Variants in COMMD1 observed in about 807,000 individuals in gnomAD.
COMMD1 encodes copper metabolism domain containing 1, also known as COMM domain-containing protein 1.
In COMMD1, 10 loss-of-function variants were observed where a neutral mutation model predicts 17.2. The observed-to-expected ratio is 0.58, with a 90% CI of 0.36 to 0.99. The LOEUF is 0.99. Ranked by LOEUF, COMMD1 falls within the 50% of genes least tolerant of loss-of-function variation. The pLI is 0.01. For missense variants in COMMD1, 270 were observed against 231.8 expected (o/e 1.17, Z -1.07); for synonymous variants, 97 against 91.6 (o/e 1.06, Z -0.34).
intron 2 of COMMD1, among the ~76,000 whole-genome samples, chr2:62,068,560 G>A (rs143335058): frequency 8.3e-4 from 125 of 150,336 alleles, no homozygotes; most frequent in African/African-American, 2.9e-3. Context: ...CTAAGGATAA[G>A]ATTGGAGAAT....
chr2:62,068,920 C>T (rs983081934), intron 2 of COMMD1, among the ~76,000 whole-genome samples: 1 of 152,016 alleles, frequency 6.6e-6, no homozygotes, highest in Non-Finnish European at 1.5e-5. Context: ...GGATTACAGG[C>T]GTGAGCCACC....
At chr2:62,106,850 G>A (rs1389659007) in intron 2 of COMMD1, among the ~76,000 whole-genome samples, 1 of 152,200 alleles carries the variant, frequency 6.6e-6, no homozygotes, top group Admixed American at 6.5e-5. Flanking sequence ...GTGAGAGACT[G>A]TAAATCAAGA....
intron 1 of COMMD1, among the ~76,000 whole-genome samples, chr2:61,982,411 A>G (rs1196427484): frequency 6.6e-6 from 1 of 152,188 alleles, no homozygotes; most frequent in Non-Finnish European, 1.5e-5. Context: ...TTCCAAATAC[A>G]AGATTATATC....
At chr2:61,980,654 T>C (rs6717612) in intron 1 of COMMD1, among the ~76,000 whole-genome samples, 2,411 of 144,948 alleles carry the variant, frequency 0.017, 42 homozygotes, top group African/African-American at 0.038. Flanking sequence ...TATTAGCCCT[T>C]TGTCAGATGA....
chr2:62,000,307 C>A (rs1328988083), intron 1 of COMMD1, among the ~76,000 whole-genome samples: 1 of 141,872 alleles, frequency 7.0e-6, no homozygotes, highest in Non-Finnish European at 1.5e-5. Flanking sequence ...GGGTCTCTCT[C>A]TGTCACCCAG....
At chr2:61,912,326 GA>G (rs1179017506) in intron 1 of COMMD1, among the ~76,000 whole-genome samples, 2 of 152,154 alleles carry the variant, frequency 1.3e-5, no homozygotes, top group Non-Finnish European at 2.9e-5. Context: ...GGCATAGAGA[GA>G]AAACATATAC....
chr2:62,090,469 TATAAC>T (rs1257734946), intron 2 of COMMD1, among the ~76,000 whole-genome samples: 37 of 152,358 alleles, frequency 2.4e-4, no homozygotes, highest in Admixed American at 2.0e-3. Flanking sequence ...TCTCCATAGA[TATAAC>T]ATCCTGAGGA....
chr2:61,904,759 A>T (rs72891742), upstream of COMMD1, among the ~76,000 whole-genome samples: 308 of 152,344 alleles, frequency 2.0e-3, 1 homozygote, highest in African/African-American at 7.1e-3. Context: ...GTTTTAGTAT[A>T]TTAACAAGGT....
chr2:62,134,364 T>C, intron 2 of COMMD1, among the ~76,000 whole-genome samples: 1 of 152,202 alleles, frequency 6.6e-6, no homozygotes, highest in East Asian at 1.9e-4. Context: ...AATTTAATTA[T>C]CTAGAAAACA....
intron 2 of COMMD1, among the ~76,000 whole-genome samples, chr2:62,044,641 A>G (rs1670329945): frequency 6.6e-6 from 1 of 152,152 alleles, no homozygotes; most frequent in Non-Finnish European, 1.5e-5. Flanking sequence ...GATTGGGATT[A>G]GTGTTTCTTT....
intron 1 of COMMD1, among the ~76,000 whole-genome samples, chr2:61,995,175 C>G (rs62149913): frequency 6.6e-6 from 1 of 152,064 alleles, no homozygotes; most frequent in East Asian, 1.9e-4. Flanking sequence ...TTGTCAACCT[C>G]CAGGGCTTGA....
In COMMD1 at chr2:62,100,819, G is replaced by T. The variant is rs528195685; in HGVS notation, c.463-35012G>T. On this transcript the variant is annotated intron_variant, in intron 2 of 2. Transcript: ENST00000311832. Reference sequence around the variant, plus strand: ...AATCTCTTCAGGATTGGGAGGACCTGGAAGAAAAAGATCTAGCTATGTTAA... The same window carrying T: ...AATCTCTTCAGGATTGGGAGGACCTTGAAGAAAAAGATCTAGCTATGTTAA... Among the ~76,000 whole-genome samples the T allele has an allele frequency of 3.3e-5, 5 of 152,224 alleles. No individual in the cohort carries two copies. The South Asian group carries it at 1.0e-3, about 32-fold the overall frequency.
intron 1 of COMMD1, among the ~76,000 whole-genome samples, chr2:61,917,395 A>G (rs1303148906): frequency 6.6e-6 from 1 of 152,190 alleles, no homozygotes; most frequent in Non-Finnish European, 1.5e-5. Flanking sequence ...CAAGTTTACA[A>G]AATGGCTGAA....
At chr2:62,026,402 T>G (rs1669758664) in intron 2 of COMMD1, among the ~76,000 whole-genome samples, 2 of 152,142 alleles carry the variant, frequency 1.3e-5, no homozygotes, top group African/African-American at 4.8e-5. Context: ...CACACACTTT[T>G]AAATGACCAG....
At position 61,938,311 on chromosome 2, in the gene COMMD1, T is replaced by C. The variant is rs111808606; in HGVS notation, c.180+32453T>C. Among the ~76,000 whole-genome samples, 333 of 151,708 alleles carry C rather than the reference T, an allele frequency of 2.2e-3. 3 individuals are homozygous for C. Among genetic ancestry groups the C allele is most frequent in the African/African-American group, 7.9e-3 (328 of 41,294 alleles). ...AAAAAAAAAATGGTGAGGTATGATC[T>C]TCTGGGGGCACGCTCCACTGGAAAA... On this transcript the variant is annotated intron_variant, in intron 1 of 2. Transcript: ENST00000311832.
chr2:62,110,233 C>T (rs1461016831), intron 2 of COMMD1, among the ~76,000 whole-genome samples: 5 of 151,890 alleles, frequency 3.3e-5, no homozygotes, highest in African/African-American at 1.2e-4. Context: ...ACATGCCTGG[C>T]TAATTTTTGA....
chr2:62,134,838 G>A (rs1673145459), intron 2 of COMMD1, among the ~76,000 whole-genome samples: 1 of 152,148 alleles, frequency 6.6e-6, no homozygotes, highest in African/African-American at 2.4e-5. Flanking sequence ...AACAGTGATT[G>A]AAGGGAACGT....
chr2:62,027,621 T>TTTATGTTATG lies in COMMD1; in HGVS notation c.462+26667_462+26676dup, dbSNP rs56724339. ...ATGCCTGCAAGTCCCTATGCCTTAA[T>TTTATGTTATG]TTATGTTATGTTATGTTATGTTATG... On this transcript the variant is annotated intron_variant, in intron 2 of 2. Coordinates refer to ENST00000311832, the MANE Select transcript of COMMD1 (RefSeq NM_152516.4). Among the ~76,000 whole-genome samples, 1,304 of 146,658 alleles carry TTTATGTTATG rather than the reference T, an allele frequency of 8.9e-3. 15 individuals carry two copies. Among genetic ancestry groups the TTTATGTTATG allele is most frequent in the African/African-American group, 0.026 (977 of 37,950 alleles).
intron 2 of COMMD1, chr2:62,100,115 A>G (rs74476572): frequency 4.0e-5 from 6 of 149,018 alleles, no homozygotes; most frequent in African/African-American, 1.5e-4. Flanking sequence ...AGAGAGAGAG[A>G]AAAAAAAAAC....
Sources: gnomAD v4.1 joint callset for allele counts (sites outside exome capture counted in the v4.1 genomes callset) on GRCh38, gnomAD v4.1.1 for gene constraint, MANE v1.5 for transcripts, NCBI Gene and HGNC (gene_info 2026-07-23, HGNC 2026-07-21) for gene names.